KIRREL3: variants seen among roughly 807,000 people sequenced by gnomAD.
KIRREL3 encodes kin of IRRE-like protein 3.
In KIRREL3, 36 loss-of-function variants were observed where a neutral mutation model predicts 89.7. The observed-to-expected ratio is 0.40, with a 90% CI of 0.31 to 0.53. KIRREL3 has a LOEUF of 0.53. Ranked by LOEUF, KIRREL3 falls within the 20% of genes least tolerant of loss-of-function variation. The pLI, the probability that KIRREL3 is intolerant of heterozygous loss-of-function variation, is 0.49. For missense variants in KIRREL3, 864 were observed against 1,056.6 expected (o/e 0.82, Z 2.53); for synonymous variants, 445 against 441.4 (o/e 1.01, Z -0.10).
Position 126,953,429 on chromosome 11 carries a change from T to A in KIRREL3, c.55+47026A>T, listed in dbSNP as rs1243805478. ...CAAACCATCATGGCATGTGTATACCTTTGTAACAAACTGTACATTCTGCAC... is the reference window on the plus strand; with the variant it reads ...CAAACCATCATGGCATGTGTATACCATTGTAACAAACTGTACATTCTGCAC... On this transcript the variant is annotated intron_variant, in intron 1 of 16. Coordinates refer to ENST00000525144, the MANE Select transcript of KIRREL3 (RefSeq NM_032531.4). The surrounding 1 kb of genome is among the most constrained non-coding windows in gnomAD (Gnocchi z 5.2). Among the ~76,000 whole-genome samples, 1 of 152,158 alleles carries A rather than the reference T, an allele frequency of 6.6e-6. No homozygotes were observed. Among genetic ancestry groups the A allele is most frequent in the Non-Finnish European group, 1.5e-5 (1 of 68,040 alleles).
At chr11:126,828,534 A>C (rs374239570) in intron 1 of KIRREL3, among the ~76,000 whole-genome samples, 2 of 152,174 alleles carry the variant, frequency 1.3e-5, no homozygotes, top group East Asian at 3.9e-4. Context: ...AAACAGCAGG[A>C]CCAGGGGAGT....
chr11:126,801,356 G>A (rs1202985856), intron 1 of KIRREL3, among the ~76,000 whole-genome samples: 1 of 152,132 alleles, frequency 6.6e-6, no homozygotes, highest in African/African-American at 2.4e-5. Context: ...AACACCATGT[G>A]AGCTGCTGGA....
At position 126,482,247 on chromosome 11, in the gene KIRREL3, T is replaced by G. The variant is rs564248686; in HGVS notation, c.434-8781A>C. On this transcript the variant is annotated intron_variant, in intron 4 of 16. Transcript: ENST00000525144. The stretch of plus-strand genomic sequence containing the variant: ...AGAGATGGAGTTTCACCATGTTGGC[T>G]AGGCTGGTCTCGAACTCCTGACCTC... Among the ~76,000 whole-genome samples the G allele has an allele frequency of 6.6e-4, 100 of 152,306 alleles. 1 individual carries two copies. Among genetic ancestry groups the G allele is most frequent in the Non-Finnish European group, 1.1e-3 (77 of 68,022 alleles).
At chr11:126,986,534 C>T (rs1219806216) in intron 1 of KIRREL3, among the ~76,000 whole-genome samples, 1 of 152,170 alleles carries the variant, frequency 6.6e-6, no homozygotes, top group African/African-American at 2.4e-5. Context: ...TATGGCTACT[C>T]TTAGAGACAT....
At chr11:126,824,257 A>G (rs1351850462) in intron 1 of KIRREL3, among the ~76,000 whole-genome samples, 1 of 152,210 alleles carries the variant, frequency 6.6e-6, no homozygotes, top group Admixed American at 6.5e-5. Flanking sequence ...TGATGTCTGC[A>G]TATGCAAATG....
chr11:126,846,605 A>C (rs1441802448), intron 1 of KIRREL3, among the ~76,000 whole-genome samples: 1 of 152,182 alleles, frequency 6.6e-6, no homozygotes, highest in African/African-American at 2.4e-5. Context: ...AGTTTTCACC[A>C]AAAGTAAAAA....
In KIRREL3 at chr11:126,470,685, G is replaced by A. The variant is rs955662063; in HGVS notation, c.591+2624C>T. ...CAAGGAAAACCCTCAGACCTGAGGCGAGCGGGCGTTCTGGAGGCTGGGCCC... is the reference window on the plus strand; with the variant it reads ...CAAGGAAAACCCTCAGACCTGAGGCAAGCGGGCGTTCTGGAGGCTGGGCCC... On this transcript the variant is annotated intron_variant, in intron 5 of 16. Coordinates refer to ENST00000525144, the MANE Select transcript of KIRREL3 (RefSeq NM_032531.4). 3.3e-5 allele frequency among the ~76,000 whole-genome samples: 5 copies of A among 152,248 alleles called. No individual in the cohort carries two copies. The East Asian group carries it at 7.7e-4, about 24-fold the overall frequency.
chr11:126,928,844 G>A (rs937832339), intron 1 of KIRREL3, among the ~76,000 whole-genome samples: 4 of 152,186 alleles, frequency 2.6e-5, no homozygotes, highest in Admixed American at 2.6e-4. Context: ...TGAGCTATGT[G>A]GATGGTGGTA....
In KIRREL3 at chr11:126,647,139, G is replaced by A. The variant is rs1160221160; in HGVS notation, c.56-84227C>T. 2.0e-5 allele frequency among the ~76,000 whole-genome samples: 3 copies of A among 152,156 alleles called. No homozygotes were observed. The highest frequency in any genetic ancestry group is 2.0e-4 in the Admixed American group (3 of 15,280). On this transcript the variant is annotated intron_variant, in intron 1 of 16. Coordinates refer to ENST00000525144, the MANE Select transcript of KIRREL3 (RefSeq NM_032531.4). This position sits in a 1 kb window ranked among gnomAD's most constrained non-coding sequence, Gnocchi z 4.9. Reference sequence around the variant, plus strand: ...TCATTTTAGGCACTTTTCTAGGCAAGTCTGATGGGGACCTCAGCATGGACA... The same window carrying A: ...TCATTTTAGGCACTTTTCTAGGCAAATCTGATGGGGACCTCAGCATGGACA...
At position 126,965,782 on chromosome 11, in the gene KIRREL3, G is replaced by A. The variant is rs2135196061; in HGVS notation, c.55+34673C>T. ...GTTTTTCTCTGGAGAGTTAACATCA[G>A]AAAAGAGTGAGTGCTTCCAGAGTGC... On this transcript the variant is annotated intron_variant, in intron 1 of 16. Coordinates refer to ENST00000525144, the MANE Select transcript of KIRREL3 (RefSeq NM_032531.4). The surrounding 1 kb of genome is among the most constrained non-coding windows in gnomAD (Gnocchi z 4.4). Among the ~76,000 whole-genome samples, 1 of 152,292 alleles carries A rather than the reference G, an allele frequency of 6.6e-6. No individual in the cohort carries two copies. Among genetic ancestry groups the A allele is most frequent in the South Asian group, 2.1e-4 (1 of 4,822 alleles).
At chr11:126,973,155 G>C (rs927757546) in intron 1 of KIRREL3, among the ~76,000 whole-genome samples, 4 of 140,438 alleles carry the variant, frequency 2.8e-5, no homozygotes, top group Non-Finnish European at 4.6e-5. Context: ...ATCTGCATGA[G>C]CATGTTAGTC....
At chr11:126,675,312 T>C (rs1036416917) in intron 1 of KIRREL3, among the ~76,000 whole-genome samples, 3 of 152,228 alleles carry the variant, frequency 2.0e-5, no homozygotes, top group African/African-American at 7.2e-5. Flanking sequence ...TTTGACCTAA[T>C]GGGCTGGGTC....
chr11:126,940,405 A>C lies in KIRREL3; in HGVS notation c.55+60050T>G, dbSNP rs1440255182. 1 of 151,754 alleles carries C rather than the reference A, an allele frequency of 6.6e-6. No homozygotes were observed. Among genetic ancestry groups the C allele is most frequent in the Non-Finnish European group, 1.5e-5 (1 of 67,944 alleles). 9.4% of individuals were successfully genotyped at this position (151,754 alleles called of 1,614,324 possible). ...TTGCTATGCCGCCCTAGATTATGAA[A>C]AAGTATAATTATATGCAATTAAAAA... On this transcript the variant is annotated intron_variant, in intron 1 of 16. Coordinates refer to ENST00000525144, the MANE Select transcript of KIRREL3 (RefSeq NM_032531.4). The surrounding 1 kb of genome is among the most constrained non-coding windows in gnomAD (Gnocchi z 4.6).
intron 1 of KIRREL3, among the ~76,000 whole-genome samples, chr11:126,825,201 G>A (rs150944186): frequency 6.6e-5 from 10 of 152,186 alleles, no homozygotes; most frequent in East Asian, 1.9e-4. Flanking sequence ...AAAACGAAGC[G>A]CTTGGGCATA....
chr11:126,716,753 G>GT (rs61557441), intron 1 of KIRREL3, among the ~76,000 whole-genome samples: 107,470 of 132,602 alleles, frequency 0.81, 43,852 homozygotes, highest in East Asian at 0.99. Context: ...TGTGTTGGGG[G>GT]GGGGGGGAAG....
At chr11:126,451,416 G>GTGTC (rs1565464682) in intron 7 of KIRREL3, among the ~76,000 whole-genome samples, 3 of 150,408 alleles carry the variant, frequency 2.0e-5, no homozygotes, top group African/African-American at 7.4e-5. Flanking sequence ...GCATGTGTGT[G>GTGTC]CATGTGTGAG....
At chr11:126,889,159 G>A (rs945745803) in intron 1 of KIRREL3, among the ~76,000 whole-genome samples, 12 of 152,134 alleles carry the variant, frequency 7.9e-5, no homozygotes, top group South Asian at 2.1e-4. Context: ...CTGCAAACAC[G>A]TCCATCACCC....
At chr11:126,823,020 C>T (rs1157111876) in intron 1 of KIRREL3, among the ~76,000 whole-genome samples, 6 of 152,114 alleles carry the variant, frequency 3.9e-5, no homozygotes, top group African/African-American at 1.4e-4. Context: ...CTCCAATCCA[C>T]CACTCATCTT....
At chr11:126,863,527 G>A (rs1944802421) in intron 1 of KIRREL3, among the ~76,000 whole-genome samples, 1 of 151,022 alleles carries the variant, frequency 6.6e-6, no homozygotes, top group African/African-American at 2.4e-5. Context: ...TTGAGTGCGT[G>A]TGTGAGTGCG....
Sources: allele counts gnomAD v4.1 joint callset (sites outside exome capture counted in the v4.1 genomes callset), GRCh38; gene constraint gnomAD v4.1.1; non-coding constraint Gnocchi (gnomAD v3.1); transcripts MANE v1.5; gene names NCBI Gene and HGNC (gene_info 2026-07-23, HGNC 2026-07-21).